Variants in APBB2 observed in about 807,000 individuals in gnomAD.
APBB2 encodes the protein Fe65-like 1.
In APBB2, 38 loss-of-function variants were observed where a neutral mutation model predicts 82.5. That is an observed-to-expected ratio of 0.46 (90% CI 0.36 to 0.60). APBB2 has a LOEUF of 0.60. Among genes scored for constraint, APBB2 ranks in the 20% least tolerant of loss-of-function variants. APBB2 has a pLI of 0.00. For missense variants in APBB2, 772 were observed against 972.3 expected (o/e 0.79, Z 2.74); for synonymous variants, 341 against 368.2 (o/e 0.93, Z 0.85).
At chr4:40,924,242 C>T (rs991694352) in intron 10 of APBB2, among the ~76,000 whole-genome samples, 1 of 152,252 alleles carries the variant, frequency 6.6e-6, no homozygotes, top group African/African-American at 2.4e-5. Context: ...ATATCCATCA[C>T]TGGCTCTGGA....
At chr4:41,140,183 T>C (rs1758706680) in intron 2 of APBB2, among the ~76,000 whole-genome samples, 1 of 152,230 alleles carries the variant, frequency 6.6e-6, no homozygotes, top group Admixed American at 6.5e-5. Flanking sequence ...CCTTGTCGTG[T>C]TAAAACTAAC....
chr4:40,993,410 G>A (rs916975174), intron 6 of APBB2, among the ~76,000 whole-genome samples: 2 of 140,670 alleles, frequency 1.4e-5, no homozygotes, highest in Non-Finnish European at 3.0e-5. Context: ...TTGAGACAGG[G>A]TTACCCTTTG....
intron 1 of APBB2, among the ~76,000 whole-genome samples, chr4:41,143,937 A>G (rs781358736): frequency 6.6e-5 from 10 of 152,230 alleles, no homozygotes; most frequent in Non-Finnish European, 1.2e-4. Flanking sequence ...TGCTTTAGCT[A>G]GAGGAATCAG....
chr4:40,914,517 A>G (rs1779373076), intron 10 of APBB2, among the ~76,000 whole-genome samples: 1 of 152,194 alleles, frequency 6.6e-6, no homozygotes. Context: ...GCGCCATTGC[A>G]CTCCAGCCTG....
At chr4:40,844,734 T>C (rs1367188907) in intron 12 of APBB2, among the ~76,000 whole-genome samples, 2 of 152,316 alleles carry the variant, frequency 1.3e-5, no homozygotes, top group Non-Finnish European at 2.9e-5. Context: ...CTGGGTAACA[T>C]TATGCAAGTC....
At chr4:41,010,163 C>T (rs1039106508) in intron 6 of APBB2, among the ~76,000 whole-genome samples, 1 of 152,138 alleles carries the variant, frequency 6.6e-6, no homozygotes, top group Admixed American at 6.5e-5. Context: ...CATGCTGAAG[C>T]AGGTGCAGAG....
chr4:40,952,871 T>G lies in APBB2; in HGVS notation c.836-7798A>C, dbSNP rs144647954. 1.8e-4 allele frequency among the ~76,000 whole-genome samples: 27 copies of G among 152,286 alleles called. No homozygotes were observed. The East Asian group carries it at 4.8e-3, about 27-fold the overall frequency. On this transcript the variant is annotated intron_variant, in intron 6 of 17. Transcript: ENST00000508593. ...TGCTGTATCACGCGCCCTGTGTCCT[T>G]CGTTGCAGGAGCTTGTGGTTTGTCA...
At chr4:41,132,909 C>A (rs1756468374) in intron 2 of APBB2, among the ~76,000 whole-genome samples, 1 of 151,934 alleles carries the variant, frequency 6.6e-6, no homozygotes, top group African/African-American at 2.4e-5. Context: ...TCATACTGCT[C>A]AGCTATCCCG....
At chr4:40,961,200 A>G (rs1793110997) in intron 6 of APBB2, among the ~76,000 whole-genome samples, 1 of 152,140 alleles carries the variant, frequency 6.6e-6, no homozygotes, top group Admixed American at 6.5e-5. Context: ...GTCTTGTATT[A>G]CTAATAGTTG....
chr4:40,924,625 G>A (rs1395264324), intron 10 of APBB2, among the ~76,000 whole-genome samples: 1 of 152,188 alleles, frequency 6.6e-6, no homozygotes, highest in African/African-American at 2.4e-5. Context: ...CCTGGAGGAC[G>A]TGAGGAGGAG....
chr4:41,187,425 CTT>C (rs1359339403), intron 1 of APBB2, among the ~76,000 whole-genome samples: 6 of 152,106 alleles, frequency 3.9e-5, no homozygotes, highest in African/African-American at 4.8e-5. Flanking sequence ...TACACACAAA[CTT>C]AAGTTCAGAG....
intron 4 of APBB2, among the ~76,000 whole-genome samples, chr4:41,052,236 C>CATACATACATAT (rs1726251923): frequency 6.6e-6 from 1 of 151,764 alleles, no homozygotes; most frequent in Admixed American, 6.6e-5. Context: ...TACATACATA[C>CATACATACATAT]ATACATACCA....
intron 2 of APBB2, among the ~76,000 whole-genome samples, chr4:41,135,012 G>A (rs1186223835): frequency 2.6e-5 from 4 of 151,850 alleles, no homozygotes; most frequent in Admixed American, 6.6e-5. Flanking sequence ...AATAATCAAG[G>A]ATCTAAAGTC....
chr4:41,097,349 T>C (rs578066227), intron 3 of APBB2, among the ~76,000 whole-genome samples: 6 of 152,318 alleles, frequency 3.9e-5, no homozygotes, highest in African/African-American at 1.4e-4. Flanking sequence ...GTAAACACCA[T>C]AAAGATTCTA....
chr4:40,851,028 G>A (rs767248214), intron 12 of APBB2, among the ~76,000 whole-genome samples: 1 of 152,110 alleles, frequency 6.6e-6, no homozygotes, highest in African/African-American at 2.4e-5. Context: ...TGTTTCAAGG[G>A]TGCAACATAC....
At chr4:41,049,826 C>T (rs1188998367) in intron 4 of APBB2, among the ~76,000 whole-genome samples, 1 of 152,162 alleles carries the variant, frequency 6.6e-6, no homozygotes, top group Non-Finnish European at 1.5e-5. Context: ...ACCCCCAACC[C>T]GGTGCTCTCT....
intron 5 of APBB2, among the ~76,000 whole-genome samples, chr4:41,028,029 T>G (rs1715148888): frequency 6.6e-6 from 1 of 152,258 alleles, no homozygotes; most frequent in African/African-American, 2.4e-5. Context: ...CTCTCCTGCA[T>G]GCATGATGAA....
intron 1 of APBB2, among the ~76,000 whole-genome samples, chr4:41,200,341 A>T (rs1386026349): frequency 6.6e-6 from 1 of 152,204 alleles, no homozygotes; most frequent in African/African-American, 2.4e-5. Context: ...ATTCCAAAGG[A>T]TAATTCAATA....
chr4:40,937,849 G>T (rs949714409), intron 7 of APBB2, among the ~76,000 whole-genome samples: 2 of 152,180 alleles, frequency 1.3e-5, no homozygotes, highest in South Asian at 2.1e-4. Flanking sequence ...TAAGAAGAGA[G>T]AATATTTTCT....
Sources: allele counts gnomAD v4.1 joint callset (sites outside exome capture counted in the v4.1 genomes callset), GRCh38; gene constraint gnomAD v4.1.1; transcripts MANE v1.5; gene names NCBI Gene and HGNC (gene_info 2026-07-23, HGNC 2026-07-21).